The following BBS12 variants were observed in gnomAD, a reference collection of about 807,000 sequenced individuals.
BBS12 encodes chaperonin-containing T-complex member BBS12.
In BBS12, 5 loss-of-function variants were observed where a neutral mutation model predicts 5.6. The observed-to-expected ratio is 0.89, with a 90% confidence interval of 0.46 to 1.86. BBS12 has a LOEUF of 1.86. Among genes scored for constraint, BBS12 ranks in the 40% most tolerant of loss-of-function variants. BBS12 has a pLI of 0.01. For synonymous variants in BBS12, 308 were observed against 306.8 expected (o/e 1.00, Z -0.04); for missense variants, 748 against 830.4 (o/e 0.90, Z 1.22).
Position 122,742,890 on chromosome 4 carries a change from G to A in BBS12, c.998G>A (p.Gly333Glu), listed in dbSNP as rs1320468621. 6.2e-7 allele frequency: 1 copy of A among 1,614,182 alleles called. No individual in the cohort carries two copies. The highest frequency in any genetic ancestry group is 8.5e-7 in the Non-Finnish European group (1 of 1,180,052). ...LPETSSCVCP[G>E]YITVVSVSNN... ...GAAACTTCTTCTTGTGTTTGTCCAG[G>A]ATATATCACTGTTGTGTCAGTATCT... Residue 333 changes from glycine to glutamate, a missense_variant, in exon 2 of 2, where the codon GGA becomes GAA. By Grantham distance (98) the Gly-to-Glu change is moderately conservative. Transcript: ENST00000314218.
chr4:122,741,936 G>T lies in BBS12; in HGVS notation c.44G>T (p.Gly15Val). ...GTCGTAAACAAAAGAAGACACATGG[G>T]ACTTCAACAACTTTCATCATTCGCG... ...CRVVNKRRHM[G>V]LQQLSSFAET... The change falls in exon 2 of 2, where the codon GGA (glycine) becomes GTA (valine). Residue 15 changes from glycine (G) to valine (V), a missense_variant. Transcript: ENST00000314218. 1 of 1,614,026 alleles carries T rather than the reference G, an allele frequency of 6.2e-7. No individual in the cohort carries two copies. Among genetic ancestry groups the T allele is most frequent in the Non-Finnish European group, 8.5e-7 (1 of 1,179,988 alleles).
chr4:122,742,576 G>C lies in BBS12; in HGVS notation c.684G>C (p.Gln228His). The C allele has an allele frequency of 6.2e-7, 1 of 1,614,240 alleles. No individual in the cohort carries two copies. ...NSLLADTCCR[Q>H]SILIHSRHFN... ...TGCTTGCAGATACCTGCTGCAGACA[G>C]TCAATACTAATCCACAGTAGGCATT... Residue 228 changes from glutamine to histidine, a missense_variant, in exon 2 of 2, where the codon CAG becomes CAC. Transcript: ENST00000314218.
the BBS12 span, among the ~76,000 whole-genome samples, chr4:122,721,402 AT>A: frequency 6.6e-6 from 1 of 152,240 alleles, no homozygotes; most frequent in African/African-American, 2.4e-5. Flanking sequence ...TCTTTAGGGA[AT>A]TGTTACAAGT....
chr4:122,729,173 G>C (rs1342602480), upstream of BBS12: 1 of 152,544 alleles, frequency 6.6e-6, no homozygotes, highest in Non-Finnish European at 1.5e-5. Context: ...AGAGCAGTGG[G>C]GTTGGTCAGA....
chr4:122,724,937 G>C, the BBS12 span, among the ~76,000 whole-genome samples: 1 of 152,104 alleles, frequency 6.6e-6, no homozygotes, highest in Non-Finnish European at 1.5e-5. Flanking sequence ...AAAAGGTAAA[G>C]ATGATTATGT....
chr4:122,742,414 T>C lies in BBS12; in HGVS notation c.522T>C (p.His174=), dbSNP rs764079708. ...ATACTGATTTGATAGAGGAATTGCATGGTCTCAAAGATGTTGCCTCTCAAA... is the reference window on the plus strand; with the variant it reads ...ATACTGATTTGATAGAGGAATTGCACGGTCTCAAAGATGTTGCCTCTCAAA... ...PSDTDLIEEL[H]GLKDVASQTL... is the part of the protein sequence containing the mutation. The change falls in exon 2 of 2, where the codon CAT becomes CAC. Residue 174 remains histidine, a synonymous_variant. Transcript: ENST00000314218. 1 of 1,614,238 alleles carries C rather than the reference T, an allele frequency of 6.2e-7. No homozygotes were observed. The highest frequency in any genetic ancestry group is 8.5e-7 in the Non-Finnish European group (1 of 1,180,036).
the BBS12 span, among the ~76,000 whole-genome samples, chr4:122,715,702 T>C: frequency 6.6e-6 from 1 of 152,192 alleles, no homozygotes; most frequent in East Asian, 1.9e-4. Context: ...TTATCCATGA[T>C]ATACTTCCAA....
chr4:122,743,413 A>G lies in BBS12; in HGVS notation c.1521A>G (p.Pro507=), dbSNP rs778636035. 5.0e-6 allele frequency: 8 copies of G among 1,614,138 alleles called. No homozygotes were observed. In the Admixed American group the frequency reaches 8.3e-5, roughly 17 times the overall value. The change falls in exon 2 of 2, where the codon CCA becomes CCG. Residue 507 remains proline (P), a synonymous_variant. Coordinates refer to ENST00000314218, the MANE Select transcript of BBS12 (RefSeq NM_152618.3). ...INLVTAVLTN[P]VTAQMQIKED... ...TGGTTACGGCCGTGCTCACTAACCC[A>G]GTTACTGCACAGATGCAAATCAAAG...
chr4:122,725,739 A>C, the BBS12 span, among the ~76,000 whole-genome samples: 3 of 152,172 alleles, frequency 2.0e-5, no homozygotes, highest in East Asian at 5.8e-4. Flanking sequence ...TCTACTAAAA[A>C]TACAAAAAAT....
At chr4:122,716,552 T>A in the BBS12 span, among the ~76,000 whole-genome samples, 1 of 149,554 alleles carries the variant, frequency 6.7e-6, no homozygotes, top group Non-Finnish European at 1.5e-5. Context: ...TGTGTATATA[T>A]ACACATATGT....
chr4:122,711,364 A>C, the BBS12 span, among the ~76,000 whole-genome samples: 1 of 109,408 alleles, frequency 9.1e-6, no homozygotes, highest in Admixed American at 8.5e-5. Context: ...GATTGGAAAA[A>C]AAAAAAAAAA....
the BBS12 span, among the ~76,000 whole-genome samples, chr4:122,716,684 CATATGTGTAT>C: frequency 3.3e-4 from 28 of 83,910 alleles, no homozygotes; most frequent in African/African-American, 1.7e-3. Flanking sequence ...TATATATACA[CATATGTGTAT>C]GTGTGTGTAT....
the BBS12 span, among the ~76,000 whole-genome samples, chr4:122,714,347 G>GGTATTT: frequency 2.0e-5 from 3 of 152,052 alleles, no homozygotes; most frequent in Non-Finnish European, 2.9e-5. Context: ...CTCAGTCTAC[G>GGTATTT]GTATTTGTAT....
chr4:122,701,818 A>C, the BBS12 span, among the ~76,000 whole-genome samples: 1 of 152,156 alleles, frequency 6.6e-6, no homozygotes, highest in African/African-American at 2.4e-5. Flanking sequence ...ACCCCAAACT[A>C]AAGTAAAAAT....
chr4:122,731,494 C>G (rs1168074674), upstream of BBS12: 1 of 152,134 alleles, frequency 6.6e-6, no homozygotes, highest in Non-Finnish European at 1.5e-5. Context: ...ATTGCTCCAG[C>G]CCTAAAATGT....
At chr4:122,702,323 T>A in the BBS12 span, among the ~76,000 whole-genome samples, 1 of 152,224 alleles carries the variant, frequency 6.6e-6, no homozygotes, top group Admixed American at 6.5e-5. Context: ...AATGGGGATT[T>A]GCTTCAAGAG....
chr4:122,709,382 T>C, the BBS12 span, among the ~76,000 whole-genome samples: 1 of 152,264 alleles, frequency 6.6e-6, no homozygotes, highest in Non-Finnish European at 1.5e-5. Flanking sequence ...TAAGAAATGA[T>C]AGATGGGAGC....
chr4:122,705,395 C>T, the BBS12 span, among the ~76,000 whole-genome samples: 1 of 152,118 alleles, frequency 6.6e-6, no homozygotes, highest in African/African-American at 2.4e-5. Flanking sequence ...TTATTTGAGC[C>T]TAGGAGTTTC....
chr4:122,712,357 A>G, the BBS12 span, among the ~76,000 whole-genome samples: 2 of 152,262 alleles, frequency 1.3e-5, no homozygotes, highest in Non-Finnish European at 2.9e-5. Context: ...TACTTGCAGC[A>G]TAATGGGAGA....
Sources: gnomAD v4.1 joint callset for allele counts (sites outside exome capture counted in the v4.1 genomes callset) on GRCh38, gnomAD v4.1.1 for gene constraint, MANE v1.5 for transcripts, NCBI Gene and HGNC (gene_info 2026-07-23, HGNC 2026-07-21) for gene names.